Variants in COP1 observed in about 807,000 individuals in gnomAD.
COP1 encodes E3 ubiquitin-protein ligase COP1.
COP1 carries 24 observed loss-of-function variants against 101.3 expected under a neutral mutation model. The observed-to-expected ratio is 0.24, with a 90% CI of 0.17 to 0.33. The LOEUF is 0.33. Among genes scored for constraint, COP1 ranks in the 10% least tolerant of loss-of-function variants. The probability of loss-of-function intolerance (pLI) is 1.00; values close to 1 mark genes in which losing one functional copy is unlikely to be tolerated. For missense variants in COP1, 663 were observed against 906.2 expected (o/e 0.73, Z 3.45); for synonymous variants, 347 against 341.9 (o/e 1.01, Z -0.17).
intron 5 of COP1, among the ~76,000 whole-genome samples, chr1:176,154,176 T>C (rs1693085812): frequency 1.3e-5 from 2 of 152,210 alleles, no homozygotes; most frequent in African/African-American, 2.4e-5. Context: ...TACCAGCTTT[T>C]CTTTGTATAT....
intron 8 of COP1, among the ~76,000 whole-genome samples, chr1:176,127,073 T>G (rs1345944092): frequency 1.3e-5 from 2 of 152,148 alleles, no homozygotes; most frequent in African/African-American, 4.8e-5. Flanking sequence ...CGCCTAACAG[T>G]GTTTTTTAAA....
At chr1:176,010,487 G>C (rs954806863) in intron 15 of COP1, among the ~76,000 whole-genome samples, 1 of 152,130 alleles carries the variant, frequency 6.6e-6, no homozygotes, top group Non-Finnish European at 1.5e-5. Flanking sequence ...GAAGCATTCA[G>C]GACAGCTGTT....
At chr1:176,105,327 A>G (rs114392239) in intron 9 of COP1, among the ~76,000 whole-genome samples, 87 of 152,336 alleles carry the variant, frequency 5.7e-4, no homozygotes, top group Admixed American at 3.3e-3. Flanking sequence ...AATGAACCTA[A>G]CTGTATTTCA....
intron 11 of COP1, among the ~76,000 whole-genome samples, chr1:176,047,391 T>A (rs1245342648): frequency 1.3e-5 from 2 of 152,216 alleles, no homozygotes; most frequent in African/African-American, 4.8e-5. Flanking sequence ...TGAGGTAAAT[T>A]GCCCAAAGTT....
intron 11 of COP1, among the ~76,000 whole-genome samples, chr1:176,058,145 GTCAGCCC>G (rs1167345848): frequency 7.5e-6 from 1 of 133,980 alleles, no homozygotes; most frequent in Non-Finnish European, 1.6e-5. Flanking sequence ...TGGGGGGGGG[GTCAGCCC>G]CCGCCCGGCC....
At chr1:176,106,053 CAG>C (rs1384807270) in intron 9 of COP1, among the ~76,000 whole-genome samples, 2 of 152,086 alleles carry the variant, frequency 1.3e-5, no homozygotes, top group African/African-American at 2.4e-5. Flanking sequence ...TTTTTTGAGA[CAG>C]AGTCTCGCTC....
chr1:176,046,138 G>A, intron 12 of COP1, 43 bp downstream of exon 12: 2 of 1,486,368 alleles, frequency 1.3e-6, no homozygotes, highest in Non-Finnish European at 1.8e-6. Flanking sequence ...TATGCAAATT[G>A]TTACATCTAT....
At chr1:176,186,617 A>C (rs533851677) in intron 1 of COP1, among the ~76,000 whole-genome samples, 50 of 152,330 alleles carry the variant, frequency 3.3e-4, no homozygotes, top group African/African-American at 1.1e-3. Context: ...AGTTGAGTAA[A>C]ACGGTAATTC....
intron 5 of COP1, among the ~76,000 whole-genome samples, chr1:176,152,288 G>A (rs1176891978): frequency 6.6e-6 from 1 of 152,008 alleles, no homozygotes; most frequent in Non-Finnish European, 1.5e-5. Flanking sequence ...ATACATAATA[G>A]AGAGTGTGTG....
intron 15 of COP1, among the ~76,000 whole-genome samples, chr1:176,008,364 C>T (rs1054243324): frequency 6.6e-6 from 1 of 152,196 alleles, no homozygotes; most frequent in African/African-American, 2.4e-5. Context: ...ATCTTTGCTC[C>T]TCCTGATTCT....
rs565044872 is a variant in COP1 at position 176,090,347 on chromosome 1, G to A, written c.1027-4457C>T. ...TGTTCTCAGGACCTCTTGAGACTAT[G>A]CCTCAGGCCAGGGTCACTCATTTTG... is the stretch of plus-strand genomic sequence containing the variant. On this transcript the variant is annotated intron_variant, in intron 9 of 19. Transcript: ENST00000367669. Among the ~76,000 whole-genome samples the A allele has an allele frequency of 1.1e-4, 16 of 152,250 alleles. No homozygotes were observed. In the South Asian group the frequency reaches 3.3e-3, roughly 32 times the overall value.
chr1:175,949,058 G>A (rs1649524798), intron 18 of COP1, among the ~76,000 whole-genome samples: 1 of 150,788 alleles, frequency 6.6e-6, no homozygotes, highest in South Asian at 2.1e-4. Context: ...AGCTAGGCAG[G>A]AGGCTGAGGC....
chr1:176,041,632 C>T (rs932911769), intron 14 of COP1, among the ~76,000 whole-genome samples: 1 of 152,126 alleles, frequency 6.6e-6, no homozygotes, highest in Non-Finnish European at 1.5e-5. Flanking sequence ...GGATTACAAG[C>T]ATGAGCTACC....
intron 18 of COP1, among the ~76,000 whole-genome samples, chr1:175,981,753 G>A (rs776213899): frequency 2.6e-5 from 4 of 152,112 alleles, no homozygotes; most frequent in South Asian, 4.1e-4. Flanking sequence ...CTATTTATCA[G>A]TTAGGGGGTT....
chr1:176,000,147 CT>C (rs1468737607), intron 15 of COP1, among the ~76,000 whole-genome samples: 1 of 151,984 alleles, frequency 6.6e-6, no homozygotes, highest in Non-Finnish European at 1.5e-5. Context: ...GCTTTGGCTG[CT>C]TGTGGGATAT....
chr1:176,084,492 GA>G (rs1201113557), intron 10 of COP1, among the ~76,000 whole-genome samples: 1 of 151,862 alleles, frequency 6.6e-6, no homozygotes, highest in African/African-American at 2.4e-5. Context: ...CACACAACTG[GA>G]AAAAACTACT....
At chr1:176,135,392 A>C (rs555205060) in intron 7 of COP1, among the ~76,000 whole-genome samples, 21 of 152,090 alleles carry the variant, frequency 1.4e-4, no homozygotes, top group Non-Finnish European at 2.9e-4. Flanking sequence ...ATTTTAAATG[A>C]CATGTACATT....
At chr1:176,120,999 A>C (rs1177821738) in intron 8 of COP1, among the ~76,000 whole-genome samples, 4 of 152,182 alleles carry the variant, frequency 2.6e-5, no homozygotes, top group Non-Finnish European at 5.9e-5. Flanking sequence ...AGAATCAAAG[A>C]GAGTCCAAAA....
intron 18 of COP1, among the ~76,000 whole-genome samples, chr1:175,970,870 C>A (rs1653099123): frequency 6.6e-6 from 1 of 151,974 alleles, no homozygotes; most frequent in South Asian, 2.1e-4. Context: ...TCTGAAAGAC[C>A]TGGGTCAACT....
Sources: allele counts gnomAD v4.1 joint callset (sites outside exome capture counted in the v4.1 genomes callset), GRCh38; gene constraint gnomAD v4.1.1; transcripts MANE v1.5; gene names NCBI Gene and HGNC (gene_info 2026-07-23, HGNC 2026-07-21).